The following DYSF variants were observed in gnomAD, a reference collection of about 807,000 sequenced individuals.
DYSF encodes dystrophy-associated fer-1-like 1.
A neutral mutation model predicts 274.9 loss-of-function variants in DYSF; 212 were observed. The ratio of observed to expected loss-of-function variants is 0.77; its 90% CI spans 0.69 to 0.86. DYSF has a LOEUF of 0.86. Among genes scored for constraint, DYSF ranks in the 40% least tolerant of loss-of-function variants. The pLI, the probability that DYSF is intolerant of heterozygous loss-of-function variation, is 0.00. For missense variants in DYSF, 2,666 were observed against 2,783.2 expected (o/e 0.96, Z 0.95); for synonymous variants, 1,091 against 1,078.7 (o/e 1.01, Z -0.22).
intron 17 of DYSF, among the ~76,000 whole-genome samples, chr2:71,547,759 G>T (rs890863794): frequency 6.6e-6 from 1 of 152,198 alleles, no homozygotes; most frequent in Non-Finnish European, 1.5e-5. Context: ...CCATGTGTTG[G>T]TCAGATGGCC....
intron 41 of DYSF, among the ~76,000 whole-genome samples, chr2:71,634,826 T>C (rs2094371971): frequency 6.6e-6 from 1 of 152,180 alleles, no homozygotes; most frequent in Admixed American, 6.5e-5. Context: ...CTCTGACATT[T>C]AGAGACCCAC....
Position 71,561,763 on chromosome 2 carries a change from G to A in DYSF, c.2228G>A (p.Gly743Asp), listed in dbSNP as rs2091786673. 6.2e-7 allele frequency: 1 copy of A among 1,614,132 alleles called. No individual in the cohort carries two copies. The change falls in exon 23 of 56, where the codon GGT (glycine) becomes GAT (aspartate). Residue 743 changes from glycine (G) to aspartate (D), a missense_variant. Physicochemically the swap from Gly to Asp is moderately conservative, Grantham distance 94 (BLOSUM62 -1). Around this residue, in one of 3 missense-constraint regions of DYSF, gnomAD observed 412 missense variants for 504.0 expected, o/e 0.82. Coordinates refer to ENST00000410020, the MANE Select transcript of DYSF (RefSeq NM_001130987.2). ...ELIAGCSQPL[G>D]DIHETPSATH... ...TCCGTCCCTCACAGCCAGCCTCTGG[G>A]TGACATCCATGAGACACCCTCTGCC...
intron 17 of DYSF, among the ~76,000 whole-genome samples, chr2:71,545,494 T>C (rs1196142358): frequency 6.6e-6 from 1 of 152,150 alleles, no homozygotes; most frequent in African/African-American, 2.4e-5. Flanking sequence ...CCTTCACTAA[T>C]TGCTGTTCAG....
chr2:71,478,502 C>T (rs552420617), intron 1 of DYSF, among the ~76,000 whole-genome samples: 23 of 152,210 alleles, frequency 1.5e-4, no homozygotes, highest in East Asian at 9.7e-4. Flanking sequence ...TGAGCCACCG[C>T]GCCCGGCCCA....
chr2:71,610,881 C>T (rs768198809), intron 36 of DYSF: 221 of 344,866 alleles, frequency 6.4e-4, no homozygotes, highest in Non-Finnish European at 1.0e-3. Context: ...GTGGATCTGC[C>T]AGGATGGAAT....
At chr2:71,526,188 C>T (rs576899674) in intron 12 of DYSF, 32 bp from the exon 13 acceptor site, 3 of 1,614,182 alleles carry the variant, frequency 1.9e-6, no homozygotes, top group Non-Finnish European at 2.5e-6. Flanking sequence ...CTCAGGAGCG[C>T]ATGAAGGAAT....
At chr2:71,553,329 TC>T in intron 20 of DYSF, 141 bp downstream of exon 20, 1 of 1,216,494 alleles carries the variant, frequency 8.2e-7, no homozygotes, top group Non-Finnish European at 1.2e-6. Context: ...GTTCCAGCTG[TC>T]CCCTTGCTCT....
intron 12 of DYSF, among the ~76,000 whole-genome samples, chr2:71,522,647 C>T (rs531960631): frequency 8.5e-5 from 13 of 152,122 alleles, no homozygotes; most frequent in Admixed American, 2.6e-4. Context: ...GAGCTCTGGA[C>T]GCTCAGTTTC....
intron 31 of DYSF, among the ~76,000 whole-genome samples, 195 bp downstream of exon 31, chr2:71,589,881 G>C (rs2093203780): frequency 6.6e-6 from 1 of 152,078 alleles, no homozygotes; most frequent in African/African-American, 2.4e-5. Context: ...CTATCTGTGT[G>C]GTGTGTCCAC....
intron 17 of DYSF, among the ~76,000 whole-genome samples, chr2:71,544,784 C>T (rs1425936939): frequency 6.6e-6 from 1 of 152,156 alleles, no homozygotes; most frequent in Non-Finnish European, 1.5e-5. Context: ...TTGATGTCCT[C>T]AGATCCTTCC....
chr2:71,506,878 TG>T (rs1316134828), intron 4 of DYSF, among the ~76,000 whole-genome samples: 2 of 152,084 alleles, frequency 1.3e-5, no homozygotes, highest in African/African-American at 2.4e-5. Flanking sequence ...GGGATGTCCC[TG>T]TGGCTCTCTG....
At chr2:71,532,837 T>C (rs1279800343) in intron 14 of DYSF, among the ~76,000 whole-genome samples, 1 of 130,654 alleles carries the variant, frequency 7.7e-6, no homozygotes, top group Non-Finnish European at 1.8e-5. Context: ...TTATTCTATC[T>C]ATCTATCTAT....
intron 38 of DYSF, 76 bp downstream of exon 38, chr2:71,611,702 G>A: frequency 6.4e-7 from 1 of 1,551,522 alleles, no homozygotes; most frequent in Non-Finnish European, 8.7e-7. Flanking sequence ...GCAGCCTGGG[G>A]CTTGTGCTCC....
chr2:71,676,556 C>T (rs2095225684), intron 52 of DYSF, among the ~76,000 whole-genome samples: 1 of 151,396 alleles, frequency 6.6e-6, no homozygotes. Context: ...TTTTTTCTTA[C>T]AGACTTTGTG....
rs2090912485 is a variant in DYSF, at chr2:71,551,120, C to T, written c.1656C>T (p.Gly552=). ...ATGGCAGTCCCAGAGAGTTCACAGG[C>T]TTCCCAGACCCCTACACAGAGCTCA... is the stretch of plus-strand genomic sequence containing the variant. The part of the protein sequence containing the change: ...NLYGSPREFT[G]FPDPYTELNT... The change falls in exon 18 of 56, where the codon GGC becomes GGT. Residue 552 remains glycine, a synonymous_variant. Coordinates refer to ENST00000410020, the MANE Select transcript of DYSF (RefSeq NM_001130987.2). 1.2e-6 allele frequency: 2 copies of T among 1,614,024 alleles called. No homozygotes were observed. Among genetic ancestry groups the T allele is most frequent in the African/African-American group, 2.7e-5 (2 of 74,920 alleles).
intron 41 of DYSF, among the ~76,000 whole-genome samples, chr2:71,632,788 C>G (rs930071452): frequency 2.0e-5 from 3 of 152,172 alleles, no homozygotes; most frequent in African/African-American, 7.2e-5. Flanking sequence ...CCCCAAGGAT[C>G]TATCTTAGAC....
intron 30 of DYSF, among the ~76,000 whole-genome samples, chr2:71,582,504 G>A (rs928116232): frequency 6.6e-6 from 1 of 152,126 alleles, no homozygotes; most frequent in Non-Finnish European, 1.5e-5. Flanking sequence ...TATGGATAAT[G>A]GTTGGGTTGT....
At chr2:71,653,462 A>G (rs1289708509) in intron 42 of DYSF, among the ~76,000 whole-genome samples, 10 of 152,120 alleles carry the variant, frequency 6.6e-5, no homozygotes, top group Admixed American at 1.3e-4. Context: ...CATATACACC[A>G]TGGAATACTA....
chr2:71,487,379 A>C (rs925691741), intron 3 of DYSF, among the ~76,000 whole-genome samples: 1 of 151,928 alleles, frequency 6.6e-6, no homozygotes, highest in African/African-American at 2.4e-5. Flanking sequence ...TGAGCTCCGC[A>C]CTAAGCTGAT....
Sources: allele counts gnomAD v4.1 joint callset (sites outside exome capture counted in the v4.1 genomes callset), GRCh38; gene constraint gnomAD v4.1.1; regional missense constraint gnomAD v4.1.1; transcripts MANE v1.5; gene names NCBI Gene and HGNC (gene_info 2026-07-23, HGNC 2026-07-21).